Variants in CEP112 observed in about 807,000 individuals in gnomAD.
The protein encoded by CEP112 is centrosomal protein 112, also known as centrosomal protein of 112 kDa.
CEP112 carries 127 observed loss-of-function variants against 153.0 expected under a neutral mutation model. That is an observed-to-expected ratio of 0.83 (90% CI 0.72 to 0.96). The LOEUF is 0.96. Ranked by LOEUF, CEP112 falls within the 40% of genes least tolerant of loss-of-function variation. The pLI is 0.00. For synonymous variants in CEP112, 358 were observed against 374.4 expected, an observed-to-expected ratio of 0.96 and a Z score of 0.51; for missense variants, 1,089 against 1,101.2, an observed-to-expected ratio of 0.99 and a Z score of 0.16.
In CEP112 at chr17:66,091,316, TAAG is replaced by T. The variant is rs533547205; in HGVS notation, c.768+4932_768+4934del. The stretch of plus-strand genomic sequence containing the variant: ...TTCACAAAAGAAATCTTCACAAATT[TAAG>T]AAGACTGAAATCATATCAAGTATCT... On this transcript the variant is annotated intron_variant, in intron 8 of 26. Transcript: ENST00000535342. Among the ~76,000 whole-genome samples the T allele has an allele frequency of 5.5e-4, 83 of 152,248 alleles. 2 individuals are homozygous for T. Among genetic ancestry groups the T allele is most frequent in the South Asian group, 5.2e-3 (25 of 4,826 alleles).
rs148618251 is a variant in CEP112 at position 65,704,538 on chromosome 17, C to T, written c.2608-15320G>A. On this transcript the variant is annotated intron_variant, in intron 23 of 26. Coordinates refer to ENST00000535342, the MANE Select transcript of CEP112 (RefSeq NM_001199165.4). ...ACAGTCCAATCATTATGAGACAATC[C>T]GGAAAATGGCATTAGGGTATTACTA... 5.0e-3 allele frequency among the ~76,000 whole-genome samples: 757 copies of T among 152,034 alleles called. 7 individuals carry two copies. Among genetic ancestry groups the T allele is most frequent in the African/African-American group, 0.017 (721 of 41,426 alleles).
chr17:65,904,888 C>T (rs1171638910), intron 19 of CEP112, among the ~76,000 whole-genome samples: 1 of 152,148 alleles, frequency 6.6e-6, no homozygotes, highest in Non-Finnish European at 1.5e-5. Context: ...GTTGGGAAAA[C>T]TGGCTAGCCA....
intron 24 of CEP112, among the ~76,000 whole-genome samples, chr17:65,642,353 C>G (rs574609371): frequency 6.6e-6 from 1 of 152,244 alleles, no homozygotes; most frequent in South Asian, 2.1e-4. Context: ...TTGGATAAGC[C>G]TATCAATTTG....
chr17:66,166,127 T>C (rs1455256924), intron 4 of CEP112, among the ~76,000 whole-genome samples: 6 of 152,130 alleles, frequency 3.9e-5, no homozygotes, highest in South Asian at 2.1e-4. Flanking sequence ...ATGGTAAAAA[T>C]AGTAGGTAGT....
chr17:65,743,436 T>C (rs2051249394), intron 22 of CEP112, among the ~76,000 whole-genome samples: 1 of 152,222 alleles, frequency 6.6e-6, no homozygotes, highest in Non-Finnish European at 1.5e-5. Flanking sequence ...CCAAATATAC[T>C]TGGAAGACGT....
chr17:66,135,881 T>A (rs901720626), intron 4 of CEP112, among the ~76,000 whole-genome samples: 22 of 152,066 alleles, frequency 1.4e-4, no homozygotes, highest in Non-Finnish European at 2.9e-4. Context: ...ATATAAAGCC[T>A]AAAGGAAGAC....
chr17:65,853,883 C>A, intron 20 of CEP112, among the ~76,000 whole-genome samples: 1 of 152,140 alleles, frequency 6.6e-6, no homozygotes, highest in South Asian at 2.1e-4. Context: ...CCCATTAATT[C>A]TTTGCAAATT....
Position 66,129,776 on chromosome 17 carries a change from A to G in CEP112, c.612T>C (p.Ile204=). 3 of 1,612,752 alleles carry G rather than the reference A, an allele frequency of 1.9e-6. No homozygotes were observed. The highest frequency in any genetic ancestry group is 1.7e-6 in the Non-Finnish European group (2 of 1,179,326). The part of the protein sequence containing the change: ...KSPVSLDDSD[I]EARLNSWNLG... ...GATTCCAACTATTAAGGCGAGCTTC[A>G]ATGTCACTATCATCCAAAGAAACAG... Residue 204 remains isoleucine, a synonymous_variant, in exon 6 of 27, where the codon ATT becomes ATC. Coordinates refer to ENST00000535342, the MANE Select transcript of CEP112 (RefSeq NM_001199165.4).
intron 16 of CEP112, among the ~76,000 whole-genome samples, chr17:66,013,269 C>T (rs1056157171): frequency 2.0e-5 from 3 of 152,158 alleles, no homozygotes; most frequent in Non-Finnish European, 4.4e-5. Flanking sequence ...GTGTGGGTGT[C>T]TGTAGGTAAG....
intron 17 of CEP112, among the ~76,000 whole-genome samples, chr17:66,004,978 G>A (rs1311101414): frequency 6.6e-6 from 1 of 152,098 alleles, no homozygotes; most frequent in Non-Finnish European, 1.5e-5. Flanking sequence ...GTACCAAATT[G>A]CCAAATGTCT....
intron 9 of CEP112, among the ~76,000 whole-genome samples, chr17:66,069,472 C>A (rs979914054): frequency 6.6e-6 from 1 of 151,992 alleles, no homozygotes; most frequent in Non-Finnish European, 1.5e-5. Context: ...TTGTCAGTGC[C>A]AGCACTAAAA....
At chr17:65,651,494 T>C (rs1369279737) in intron 24 of CEP112, among the ~76,000 whole-genome samples, 5 of 152,218 alleles carry the variant, frequency 3.3e-5, no homozygotes, top group East Asian at 3.9e-4. Context: ...TTCTACTCTC[T>C]CTTCTTTAAG....
intron 20 of CEP112, among the ~76,000 whole-genome samples, chr17:65,898,085 TAATTA>T (rs1456488156): frequency 4.6e-5 from 7 of 152,258 alleles, no homozygotes; most frequent in Admixed American, 4.6e-4. Flanking sequence ...ATTTATTGCT[TAATTA>T]TTTTCAGTTA....
In CEP112 at chr17:66,019,776, C is replaced by T. The variant is rs574915370; in HGVS notation, c.1656+7725G>A. The stretch of plus-strand genomic sequence containing the variant: ...GACACCTAATAAAAAGGATTTAGGT[C>T]TGCTCCTTGAAGTGAAATAGAATAG... On this transcript the variant is annotated intron_variant, in intron 16 of 26. Coordinates refer to ENST00000535342, the MANE Select transcript of CEP112 (RefSeq NM_001199165.4). Among the ~76,000 whole-genome samples the T allele has an allele frequency of 2.0e-4, 31 of 152,288 alleles. 1 individual carries two copies. The South Asian group carries it at 6.0e-3, about 30-fold the overall frequency.
At chr17:66,172,388 G>A (rs1198026520) in intron 4 of CEP112, among the ~76,000 whole-genome samples, 1 of 152,260 alleles carries the variant, frequency 6.6e-6, no homozygotes, top group East Asian at 1.9e-4. Flanking sequence ...CTTTTTTCAC[G>A]TTGCAATCTC....
At chr17:66,144,113 G>A (rs1467399742) in intron 4 of CEP112, among the ~76,000 whole-genome samples, 1 of 152,144 alleles carries the variant, frequency 6.6e-6, no homozygotes, top group African/African-American at 2.4e-5. Context: ...CTGAGGTATA[G>A]CTTGCATACA....
intron 21 of CEP112, chr17:65,826,198 C>T: frequency 9.3e-6 from 15 of 1,614,200 alleles, no homozygotes; most frequent in Non-Finnish European, 1.2e-5. Flanking sequence ...TTCCTGCCTG[C>T]TCTGTCTTGG....
intron 11 of CEP112, among the ~76,000 whole-genome samples, chr17:66,058,818 C>T (rs2066810227): frequency 6.6e-6 from 1 of 152,168 alleles, no homozygotes; most frequent in African/African-American, 2.4e-5. Context: ...TGCCATTGCA[C>T]TCCAGACTGG....
rs567915824 is a variant in CEP112, at chr17:66,032,658, C to T, written c.1219-2635G>A. Among the ~76,000 whole-genome samples, 17 of 152,288 alleles carry T rather than the reference C, an allele frequency of 1.1e-4. No individual in the cohort carries two copies. The South Asian group carries it at 3.5e-3, about 32-fold the overall frequency. On this transcript the variant is annotated intron_variant, in intron 12 of 26. Transcript: ENST00000535342. ...CTCTCTGGAAGAAGATAACATCATC[C>T]ACAGCCTTTATTATTTTTTGTGCAC...
Sources: gnomAD v4.1 joint callset for allele counts (sites outside exome capture counted in the v4.1 genomes callset) on GRCh38, gnomAD v4.1.1 for gene constraint, MANE v1.5 for transcripts, NCBI Gene and HGNC (gene_info 2026-07-23, HGNC 2026-07-21) for gene names.